CXCL13: variants seen among roughly 807,000 people sequenced by gnomAD.
CXCL13 encodes the protein C-X-C motif chemokine 13.
Under a neutral mutation model 12.2 loss-of-function variants are expected in CXCL13, and 7 were observed. That is an observed-to-expected ratio of 0.57 (90% CI 0.33 to 1.07). CXCL13 has a LOEUF of 1.07. CXCL13 is among the 50% of genes least tolerant of loss of function. The probability of loss-of-function intolerance (pLI) is 0.04; values close to 1 mark genes in which losing one functional copy is unlikely to be tolerated. For missense variants in CXCL13, 113 were observed against 127.4 expected, an observed-to-expected ratio of 0.89 and a Z score of 0.55; for synonymous variants, 47 against 42.4, an observed-to-expected ratio of 1.11 and a Z score of -0.42.
At chr4:77,557,452 A>G (rs905132734) in intron 1 of CXCL13, among the ~76,000 whole-genome samples, 2 of 152,172 alleles carry the variant, frequency 1.3e-5, no homozygotes, top group Non-Finnish European at 2.9e-5. Flanking sequence ...CAACCTCCCA[A>G]TCAGGCATCC....
intron 1 of CXCL13, among the ~76,000 whole-genome samples, chr4:77,584,376 C>T (rs1171273892): frequency 6.6e-6 from 1 of 152,172 alleles, no homozygotes; most frequent in Non-Finnish European, 1.5e-5. Flanking sequence ...TGATGGGACT[C>T]ATGTGGGTTG....
At chr4:77,564,535 C>T (rs1339554387) in intron 1 of CXCL13, among the ~76,000 whole-genome samples, 1 of 152,224 alleles carries the variant, frequency 6.6e-6, no homozygotes, top group African/African-American at 2.4e-5. Context: ...AACATTTACT[C>T]TGTACCTGGA....
intron 1 of CXCL13, among the ~76,000 whole-genome samples, chr4:77,579,458 C>T (rs1198663425): frequency 6.6e-6 from 1 of 151,912 alleles, no homozygotes; most frequent in East Asian, 1.9e-4. Flanking sequence ...GTGAAGTGAC[C>T]CTCTCCAGAC....
intron 1 of CXCL13, among the ~76,000 whole-genome samples, chr4:77,555,338 C>A (rs1240488400): frequency 6.6e-6 from 1 of 151,868 alleles, no homozygotes; most frequent in Middle Eastern, 3.4e-3. Context: ...CATAAGCTAC[C>A]AAAATTAACA....
intron 1 of CXCL13, among the ~76,000 whole-genome samples, chr4:77,549,211 G>A (rs182595048): frequency 2.6e-4 from 39 of 152,244 alleles, no homozygotes; most frequent in African/African-American, 8.9e-4. Context: ...TCTTCTCTAT[G>A]CTGCTTATCC....
chr4:77,558,348 G>A (rs1232603463), intron 1 of CXCL13, among the ~76,000 whole-genome samples: 1 of 152,120 alleles, frequency 6.6e-6, no homozygotes, highest in Admixed American at 6.5e-5. Context: ...CTAGGGAGGA[G>A]TGAACTACTT....
chr4:77,539,184 C>T (rs72650471), intron 1 of CXCL13, among the ~76,000 whole-genome samples: 29,167 of 151,742 alleles, frequency 0.19, 3,214 homozygotes, highest in South Asian at 0.32. Context: ...CTGCCTTAGT[C>T]TACTGAGTAA....
rs1295155625 is a variant in CXCL13, at chr4:77,516,357, G to C, written c.-43+4569G>C. On this transcript the variant is annotated intron_variant, in intron 1 of 4. Transcript: ENST00000286758. ...AGGGAGGATTCCCTCTTTTTCTATT[G>C]ATTGGAATAGTTTCAGAAGGAATGG... Among the ~76,000 whole-genome samples, 7 of 152,144 alleles carry C rather than the reference G, an allele frequency of 4.6e-5. No individual in the cohort carries two copies. The East Asian group carries it at 1.3e-3, about 29-fold the overall frequency.
intron 1 of CXCL13, among the ~76,000 whole-genome samples, chr4:77,557,228 C>T (rs776012692): frequency 2.0e-5 from 3 of 152,156 alleles, no homozygotes; most frequent in Non-Finnish European, 2.9e-5. Context: ...AGGGCCACAA[C>T]GATGTTTCAG....
intron 1 of CXCL13, among the ~76,000 whole-genome samples, chr4:77,567,045 C>T (rs888638177): frequency 4.6e-5 from 7 of 152,150 alleles, no homozygotes; most frequent in Admixed American, 3.9e-4. Context: ...TCCTGCCTCA[C>T]CCTAACTGAT....
intron 1 of CXCL13, among the ~76,000 whole-genome samples, chr4:77,542,004 C>T (rs1394103539): frequency 6.6e-6 from 1 of 152,038 alleles, no homozygotes; most frequent in Non-Finnish European, 1.5e-5. Flanking sequence ...ATTTGGTTCT[C>T]AGCTTGAATA....
At chr4:77,546,101 C>T (rs1346825678) in intron 1 of CXCL13, among the ~76,000 whole-genome samples, 1 of 152,188 alleles carries the variant, frequency 6.6e-6, no homozygotes, top group East Asian at 1.9e-4. Context: ...ATGAAGCCAA[C>T]TTGATCGTGT....
At chr4:77,576,396 CT>C (rs2109821815) in intron 1 of CXCL13, among the ~76,000 whole-genome samples, 1 of 152,300 alleles carries the variant, frequency 6.6e-6, no homozygotes, top group South Asian at 2.1e-4. Context: ...CTCTCTCTGC[CT>C]GGCTTCTCCA....
At chr4:77,539,088 G>T (rs1375886945) in intron 1 of CXCL13, among the ~76,000 whole-genome samples, 1 of 148,486 alleles carries the variant, frequency 6.7e-6, no homozygotes, top group Non-Finnish European at 1.5e-5. Flanking sequence ...CTTTTGAAAT[G>T]GAGTCTAGCT....
rs1175917856 is a variant in CXCL13 at position 77,513,800 on chromosome 4, A to T, written c.-43+2012A>T. Among the ~76,000 whole-genome samples, 373 of 137,338 alleles carry T rather than the reference A, an allele frequency of 2.7e-3. 3 individuals are homozygous for T. The highest frequency in any genetic ancestry group is 0.01 in the African/African-American group (346 of 34,224). The allele number at this position is 137,338 out of a possible 152,430, so 90.1% of individuals were successfully genotyped here. ...TCCATTCTAACTGGTGTGAGATGGT[A>T]TCTCTTTTTTTTTTTTTTTTATACT... is the stretch of plus-strand genomic sequence containing the variant. On this transcript the variant is annotated intron_variant, in intron 1 of 4. Transcript: ENST00000286758.
At chr4:77,592,695 G>A (rs1263164353) in intron 1 of CXCL13, among the ~76,000 whole-genome samples, 1 of 152,208 alleles carries the variant, frequency 6.6e-6, no homozygotes, top group African/African-American at 2.4e-5. Context: ...ACCAGGGGGA[G>A]CTGGGCAGCA....
At chr4:77,534,066 A>T (rs1724997136) in intron 1 of CXCL13, among the ~76,000 whole-genome samples, 1 of 152,158 alleles carries the variant, frequency 6.6e-6, no homozygotes, top group Non-Finnish European at 1.5e-5. Flanking sequence ...GACACTCCCC[A>T]GTGAGATGAA....
At chr4:77,520,987 G>C (rs188622583) in intron 1 of CXCL13, among the ~76,000 whole-genome samples, 4 of 152,212 alleles carry the variant, frequency 2.6e-5, no homozygotes, top group East Asian at 1.9e-4. Flanking sequence ...GTGGTTTTTT[G>C]TCACTGGTTC....
At chr4:77,589,713 A>C (rs1459236464) in intron 1 of CXCL13, among the ~76,000 whole-genome samples, 1 of 152,178 alleles carries the variant, frequency 6.6e-6, no homozygotes, top group Non-Finnish European at 1.5e-5. Flanking sequence ...AGTGCTTGAC[A>C]CAGAGTTGGC....
Sources: allele counts gnomAD v4.1 joint callset (sites outside exome capture counted in the v4.1 genomes callset), GRCh38; gene constraint gnomAD v4.1.1; transcripts MANE v1.5; gene names NCBI Gene and HGNC (gene_info 2026-07-23, HGNC 2026-07-21).